TMED3: variants seen among roughly 807,000 people sequenced by gnomAD.
TMED3 encodes the protein transmembrane p24 trafficking protein 3.
Under a neutral mutation model 15.0 loss-of-function variants are expected in TMED3, and 9 were observed. The ratio of observed to expected loss-of-function variants is 0.60; its 90% confidence interval spans 0.36 to 1.04. TMED3 has a LOEUF of 1.04. Ranked by LOEUF, TMED3 falls within the 50% of genes least tolerant of loss-of-function variation. The probability of loss-of-function intolerance (pLI) is 0.01; values close to 1 mark genes in which losing one functional copy is unlikely to be tolerated. For missense variants in TMED3, 267 were observed against 278.9 expected, an observed-to-expected ratio of 0.96 and a Z score of 0.30; for synonymous variants, 117 against 121.4, an observed-to-expected ratio of 0.96 and a Z score of 0.24.
intron 2 of TMED3, among the ~76,000 whole-genome samples, chr15:79,364,714 T>C (rs1438910025): frequency 2.0e-5 from 3 of 150,228 alleles, no homozygotes; most frequent in African/African-American, 4.9e-5. Flanking sequence ...CGAGAGGAGT[T>C]CAGCTGGGGG....
At chr15:79,338,986 C>T (rs982874294) in intron 2 of TMED3, among the ~76,000 whole-genome samples, 3 of 152,164 alleles carry the variant, frequency 2.0e-5, no homozygotes, top group Non-Finnish European at 2.9e-5. Flanking sequence ...ATTAGTCAGG[C>T]TCACCCGCAG....
rs548595315 is a variant in TMED3 at position 79,351,622 on chromosome 15, G to C, written c.417+37617G>C. Among the ~76,000 whole-genome samples the C allele has an allele frequency of 4.6e-5, 7 of 152,174 alleles. No homozygotes were observed. In the South Asian group the frequency reaches 1.5e-3, roughly 32 times the overall value. On this transcript the variant is annotated intron_variant, in intron 2 of 2. Transcript: ENST00000424155. ...CAAAAGGGAACACTTTTACACTATT[G>C]GTGGAAACGTAAACTAGTGCAACCA...
downstream of TMED3, among the ~76,000 whole-genome samples, chr15:79,324,190 AC>A (rs1226482326): frequency 4.6e-5 from 7 of 152,202 alleles, no homozygotes; most frequent in Middle Eastern, 3.4e-3. Context: ...ACGGGGTTTC[AC>A]CGTGTTAGCC....
chr15:79,359,653 A>G (rs1337644031), intron 2 of TMED3, among the ~76,000 whole-genome samples: 7 of 152,212 alleles, frequency 4.6e-5, no homozygotes, highest in Non-Finnish European at 8.8e-5. Flanking sequence ...AATAAATGGT[A>G]TAGAATTTGG....
chr15:79,399,074 C>T (rs1035006868), intron 2 of TMED3, among the ~76,000 whole-genome samples: 1 of 152,156 alleles, frequency 6.6e-6, no homozygotes, highest in Non-Finnish European at 1.5e-5. Flanking sequence ...CCACGCCCAA[C>T]TAATTTTTGT....
chr15:79,378,533 A>T (rs1893467565), intron 2 of TMED3, among the ~76,000 whole-genome samples: 1 of 152,186 alleles, frequency 6.6e-6, no homozygotes, highest in African/African-American at 2.4e-5. Context: ...TTGGCCTGGA[A>T]GTTCCACCCA....
chr15:79,406,212 T>C (rs12908673), intron 2 of TMED3, among the ~76,000 whole-genome samples: 67,317 of 152,086 alleles, frequency 0.44, 15,559 homozygotes, highest in Middle Eastern at 0.59. Flanking sequence ...CAGAATGGAT[T>C]CTAATTTGCT....
chr15:79,315,352 T>C (rs1390127292), intron 2 of TMED3, among the ~76,000 whole-genome samples: 1 of 152,242 alleles, frequency 6.6e-6, no homozygotes, highest in Non-Finnish European at 1.5e-5. Flanking sequence ...CATAGAAAGT[T>C]CCATTGTCCA....
rs1893257415 is a variant in TMED3, at chr15:79,367,452, C to T, written c.418-43948C>T. Among the ~76,000 whole-genome samples, 7 of 152,208 alleles carry T rather than the reference C, an allele frequency of 4.6e-5. No homozygotes were observed. The South Asian group carries it at 1.4e-3, about 32-fold the overall frequency. ...CCTGACACCCAAATCCTGGCAGCAT[C>T]TAACACCTCTTCCTTAAACTCTCCC... On this transcript the variant is annotated intron_variant, in intron 2 of 2. Coordinates refer to the TMED3 transcript ENST00000424155.
intron 2 of TMED3, among the ~76,000 whole-genome samples, chr15:79,368,437 G>A (rs999152017): frequency 6.6e-6 from 1 of 152,122 alleles, no homozygotes; most frequent in African/African-American, 2.4e-5. Context: ...CTTGCTGTGA[G>A]GGAGCTTGCA....
intron 2 of TMED3, among the ~76,000 whole-genome samples, chr15:79,359,956 A>G (rs149521390): frequency 1.3e-5 from 2 of 152,354 alleles, no homozygotes; most frequent in East Asian, 3.9e-4. Context: ...AGGACATTAA[A>G]GTCTAATGAT....
intron 2 of TMED3, among the ~76,000 whole-genome samples, 177 bp downstream of exon 2, chr15:79,314,182 C>A (rs564540707): frequency 1.3e-5 from 2 of 152,194 alleles, no homozygotes; most frequent in African/African-American, 4.8e-5. Context: ...GCTCTTCTTT[C>A]GATCTTCCTT....
downstream of TMED3, among the ~76,000 whole-genome samples, chr15:79,327,123 CA>C (rs2141221238): frequency 6.6e-6 from 1 of 152,288 alleles, no homozygotes; most frequent in East Asian, 1.9e-4. Flanking sequence ...GATCTGCCCC[CA>C]TGGCCCAAAC....
At chr15:79,377,295 T>A (rs79933646) in intron 2 of TMED3, among the ~76,000 whole-genome samples, 41 of 134,130 alleles carry the variant, frequency 3.1e-4, no homozygotes, top group South Asian at 7.7e-4. Context: ...TGTGTGTGTG[T>A]GTGAGAGAGA....
downstream of TMED3, among the ~76,000 whole-genome samples, chr15:79,324,402 TCAAA>T (rs2058780190): frequency 6.6e-6 from 1 of 152,188 alleles, no homozygotes; most frequent in African/African-American, 2.4e-5. Context: ...CTATATAATT[TCAAA>T]CAGAGTAATA....
intron 2 of TMED3, among the ~76,000 whole-genome samples, chr15:79,333,792 A>G (rs1237187766): frequency 1.3e-5 from 2 of 152,216 alleles, no homozygotes; most frequent in Non-Finnish European, 2.9e-5. Flanking sequence ...TGTGAGAATT[A>G]GAATTAGTAG....
chr15:79,380,243 C>T (rs974925789), intron 2 of TMED3, among the ~76,000 whole-genome samples: 14 of 151,766 alleles, frequency 9.2e-5, no homozygotes, highest in African/African-American at 1.9e-4. Context: ...CCCAGCTACT[C>T]GGGAGGCTGA....
At chr15:79,410,287 AAGC>A (rs1440066610) in intron 2 of TMED3, among the ~76,000 whole-genome samples, 2 of 152,350 alleles carry the variant, frequency 1.3e-5, no homozygotes, top group East Asian at 3.9e-4. Context: ...TAAAATGACA[AAGC>A]AACCCATTCT....
intron 2 of TMED3, among the ~76,000 whole-genome samples, chr15:79,375,511 A>C (rs1441590798): frequency 6.6e-6 from 1 of 152,122 alleles, no homozygotes; most frequent in African/African-American, 2.4e-5. Context: ...TAATTGGCTC[A>C]CGGTTCTGCA....
Sources: gnomAD v4.1 joint callset for allele counts (sites outside exome capture counted in the v4.1 genomes callset) on GRCh38, gnomAD v4.1.1 for gene constraint, MANE v1.5 for transcripts, NCBI Gene and HGNC (gene_info 2026-07-23, HGNC 2026-07-21) for gene names.